BBS2: variants seen among roughly 807,000 people sequenced by gnomAD.
The protein encoded by BBS2 is Bardet-Biedl syndrome 2, also known as BBSome complex member BBS2.
A neutral mutation model predicts 83.0 loss-of-function variants in BBS2; 62 were observed. The ratio of observed to expected loss-of-function variants is 0.75; its 90% CI spans 0.61 to 0.92. BBS2 has a LOEUF of 0.92. BBS2 is among the 40% of genes least tolerant of loss of function. BBS2 has a pLI of 0.00. For synonymous variants in BBS2, 303 were observed against 326.1 expected, an observed-to-expected ratio of 0.93 and a Z score of 0.76; for missense variants, 784 against 901.0, an observed-to-expected ratio of 0.87 and a Z score of 1.66.
intron 12 of BBS2, chr16:56,499,190 A>G (rs1964195415): frequency 5.6e-6 from 1 of 177,698 alleles, no homozygotes; most frequent in East Asian, 1.6e-4. Context: ...GAGAATCTAC[A>G]TGATTAAAAA....
At chr16:56,499,993 TG>T in intron 11 of BBS2, 86 bp from the exon 12 acceptor site, 1 of 1,528,456 alleles carries the variant, frequency 6.5e-7, no homozygotes, top group Non-Finnish European at 9.0e-7. Context: ...AAGCCACTTC[TG>T]GGTCATCAAT....
rs781652557 is a variant in BBS2, at chr16:56,496,970, T to C, written c.1907A>G (p.Asp636Gly). 6.2e-7 allele frequency: 1 copy of C among 1,611,004 alleles called. No individual in the cohort carries two copies. The highest frequency in any genetic ancestry group is 1.7e-5 in the Admixed American group (1 of 60,014). The change falls in exon 15 of 17, where the codon GAC (aspartate) becomes GGC (glycine). Residue 636 changes from aspartate (D) to glycine (G), a missense_variant. Transcript: ENST00000245157. ...ACTAACCATGACAAATACTCACATGTCCCTCATCAGACGAGCATCCTCAGC... is the reference window on the plus strand; with the variant it reads ...ACTAACCATGACAAATACTCACATGCCCCTCATCAGACGAGCATCCTCAGC... ...VGAEDARLMR[D>G]MKTMKSRYME... is the part of the protein sequence containing the mutation.
downstream of BBS2, among the ~76,000 whole-genome samples, chr16:56,482,755 G>A (rs527861076): frequency 6.9e-4 from 105 of 152,220 alleles, no homozygotes; most frequent in African/African-American, 2.4e-3. Context: ...TGAAATCTAC[G>A]TTAGGGCGAA....
At chr16:56,503,723 T>C (rs1394633282) in intron 7 of BBS2, among the ~76,000 whole-genome samples, 3 of 152,058 alleles carry the variant, frequency 2.0e-5, no homozygotes, top group Non-Finnish European at 4.4e-5. Context: ...ATCGAGACCA[T>C]TCTGGCTAAC....
At chr16:56,475,940 C>T in intron 17 of BBS2, 1 of 1,060,946 alleles carries the variant, frequency 9.4e-7, no homozygotes, top group Non-Finnish European at 1.4e-6. Flanking sequence ...CCTCTATCCC[C>T]AGATTAAGTG....
chr16:56,519,854 C>A lies in BBS2; in HGVS notation c.9G>T (p.Leu3=), dbSNP rs1964870902. Residue 3 remains leucine (L), a synonymous_variant, in exon 1 of 17, where the codon CTG becomes CTT. Transcript: ENST00000245157. ML[L]PVFTLKLRHK... Reference sequence around the variant, plus strand: ...GGCGCAGTTTCAGGGTGAACACAGGCAGCAGCATGATGGCGGCGGCTTAGG... The same window carrying A: ...GGCGCAGTTTCAGGGTGAACACAGGAAGCAGCATGATGGCGGCGGCTTAGG... The A allele has an allele frequency of 6.2e-7, 1 of 1,613,482 alleles. No homozygotes were observed. Among genetic ancestry groups the A allele is most frequent in the Admixed American group, 1.7e-5 (1 of 59,976 alleles).
intron 5 of BBS2, 22 bp downstream of exon 5, chr16:56,509,935 A>G (rs1200599582): frequency 1.2e-6 from 2 of 1,612,160 alleles, no homozygotes; most frequent in South Asian, 1.1e-5. Flanking sequence ...AGGTTACCAT[A>G]GTTCGAGGTG....
downstream of BBS2, chr16:56,470,418 C>T (rs779671246): frequency 7.4e-7 from 1 of 1,359,016 alleles, no homozygotes; most frequent in African/African-American, 1.5e-5. Context: ...AGCTAACGAT[C>T]AGCTTTTATT....
intron 5 of BBS2, among the ~76,000 whole-genome samples, chr16:56,506,719 G>C (rs1567579842): frequency 6.6e-6 from 1 of 152,112 alleles, no homozygotes; most frequent in Non-Finnish European, 1.5e-5. Context: ...TTGTTTGCTA[G>C]AGGTAAAAGA....
chr16:56,470,673 A>G, exon 18 of BBS2: 1 of 1,614,198 alleles, frequency 6.2e-7, no homozygotes, highest in Non-Finnish European at 8.5e-7. Context: ...ATATCACTGA[A>G]GAAGGGACTA....
At chr16:56,519,440 C>T in intron 1 of BBS2, 1 of 345,376 alleles carries the variant, frequency 2.9e-6, no homozygotes, top group Non-Finnish European at 5.4e-6. Context: ...TCGGTTATTA[C>T]TGCTAACCCG....
chr16:56,519,463 TC>T, intron 1 of BBS2: 1 of 428,490 alleles, frequency 2.3e-6, no homozygotes, highest in Non-Finnish European at 4.3e-6. Flanking sequence ...CCAAACCCCT[TC>T]CCTCAGGAGA....
In BBS2 at chr16:56,484,509, C is replaced by A; in HGVS notation, c.*252G>T. On this transcript the variant is annotated 3_prime_UTR_variant, in exon 17 of 17. Coordinates refer to ENST00000245157, the MANE Select transcript of BBS2 (RefSeq NM_031885.5). ...AATAAGCAAAATTGGACTCTGAAGC[C>A]CTAATACTTCAAAAGCATTCATCCT... 1 of 390,774 alleles carries A rather than the reference C, an allele frequency of 2.6e-6. No homozygotes were observed. The highest frequency in any genetic ancestry group is 4.7e-6 in the Non-Finnish European group (1 of 211,672). The allele number at this position is 390,774 out of a possible 1,614,324, so 24.2% of individuals were successfully genotyped here. A position where few individuals can be genotyped will look rare whatever the true frequency, so the allele number is the denominator to read the frequency against.
At chr16:56,471,136 G>A (rs1252484911) in intron 17 of BBS2, among the ~76,000 whole-genome samples, 1 of 151,580 alleles carries the variant, frequency 6.6e-6, no homozygotes, top group Non-Finnish European at 1.5e-5. Context: ...CTGATCACCT[G>A]AGGCCAGGAG....
intron 12 of BBS2, chr16:56,499,416 G>A (rs1355709306): frequency 9.2e-6 from 3 of 326,472 alleles, no homozygotes; most frequent in East Asian, 8.1e-5. Flanking sequence ...AGTTAACGTA[G>A]CACTTAAAGC....
intron 6 of BBS2, 36 bp from the exon 7 acceptor site, chr16:56,506,072 C>A: frequency 6.2e-7 from 1 of 1,609,996 alleles, no homozygotes; most frequent in Non-Finnish European, 8.5e-7. Flanking sequence ...ACAGAAGTCT[C>A]ACAATAACTA....
At chr16:56,511,090 G>A (rs1427258520) in intron 3 of BBS2, 69 bp downstream of exon 3, 5 of 1,596,932 alleles carry the variant, frequency 3.1e-6, no homozygotes, top group Non-Finnish European at 3.4e-6. Flanking sequence ...AGTAGAGTTG[G>A]TGGTTAAAAA....
At chr16:56,480,563 G>T (rs1011766805), downstream of BBS2, among the ~76,000 whole-genome samples, 3 of 151,980 alleles carry the variant, frequency 2.0e-5, no homozygotes, top group East Asian at 5.8e-4. Context: ...GCTAATTTTT[G>T]TATTTTTAGT....
chr16:56,509,562 T>C, intron 5 of BBS2: 1 of 191,420 alleles, frequency 5.2e-6, no homozygotes, highest in African/African-American at 2.4e-5. Flanking sequence ...ATAGAAATAA[T>C]AATAATTTAT....
Sources: allele counts gnomAD v4.1 joint callset (sites outside exome capture counted in the v4.1 genomes callset), GRCh38; gene constraint gnomAD v4.1.1; transcripts MANE v1.5; gene names NCBI Gene and HGNC (gene_info 2026-07-23, HGNC 2026-07-21).